AOAH: variants seen among roughly 807,000 people sequenced by gnomAD.
AOAH encodes acyloxyacyl hydrolase (neutrophil).
AOAH carries 64 observed loss-of-function variants against 92.2 expected under a neutral mutation model. That is an observed-to-expected ratio of 0.69 (90% CI 0.57 to 0.86). The LOEUF is 0.86. AOAH is among the 40% of genes least tolerant of loss of function. AOAH has a pLI of 0.00. For synonymous variants in AOAH, 263 were observed against 254.5 expected (o/e 1.03, Z -0.32); for missense variants, 656 against 694.6 (o/e 0.94, Z 0.62).
chr7:36,705,867 C>T lies in AOAH; in HGVS notation c.127+18155G>A, dbSNP rs757862524. 3.9e-5 allele frequency among the ~76,000 whole-genome samples: 6 copies of T among 152,242 alleles called. No individual in the cohort carries two copies. The East Asian group carries it at 5.8e-4, about 15-fold the overall frequency. ...AGAAATAACACCACACATCTACAAC[C>T]ATCTGATCTTCAACAAGCCTGACAA... On this transcript the variant is annotated intron_variant, in intron 1 of 20. Transcript: ENST00000617537.
At chr7:36,515,711 A>C (rs1220897390) in intron 20 of AOAH, among the ~76,000 whole-genome samples, 19 of 78,442 alleles carry the variant, frequency 2.4e-4, no homozygotes, top group African/African-American at 5.6e-4. Flanking sequence ...ACACCCCCCC[A>C]CACACCACAC....
intron 9 of AOAH, among the ~76,000 whole-genome samples, chr7:36,618,596 T>C (rs1223653189): frequency 6.6e-6 from 1 of 152,206 alleles, no homozygotes; most frequent in Non-Finnish European, 1.5e-5. Flanking sequence ...GGTAGGGTTC[T>C]GGGAGAGGTG....
At chr7:36,600,329 T>TA (rs1790458801) in intron 11 of AOAH, among the ~76,000 whole-genome samples, 1 of 152,078 alleles carries the variant, frequency 6.6e-6, no homozygotes, top group South Asian at 2.1e-4. Flanking sequence ...AGCAGCAAAT[T>TA]AAATGACCAA....
chr7:36,567,183 C>T (rs1445676172), intron 13 of AOAH, among the ~76,000 whole-genome samples: 1 of 152,150 alleles, frequency 6.6e-6, no homozygotes, highest in Non-Finnish European at 1.5e-5. Flanking sequence ...CTGCCCAATG[C>T]CCCCAATCGA....
chr7:36,583,410 T>C (rs1220023792), intron 12 of AOAH, among the ~76,000 whole-genome samples: 1 of 152,160 alleles, frequency 6.6e-6, no homozygotes, highest in African/African-American at 2.4e-5. Flanking sequence ...GGAGATAGAT[T>C]AAAGACCTTT....
chr7:36,719,534 T>G (rs1799483864), intron 1 of AOAH, among the ~76,000 whole-genome samples: 1 of 152,166 alleles, frequency 6.6e-6, no homozygotes, highest in Admixed American at 6.5e-5. Context: ...GATATAAATA[T>G]TTTAGGTTAT....
At position 36,516,987 on chromosome 7, in the gene AOAH, C is replaced by T. The variant is rs17170619; in HGVS notation, c.1600-3607G>A. On this transcript the variant is annotated intron_variant, in intron 20 of 20. Transcript: ENST00000617537. This position sits in a 1 kb window ranked among gnomAD's most constrained non-coding sequence, Gnocchi z 5.0. ...GAAATGAGACTGGCATGCTTATCACCAAACTAGAGACTTGTGATAAAATGA... is the reference window on the plus strand; with the variant it reads ...GAAATGAGACTGGCATGCTTATCACTAAACTAGAGACTTGTGATAAAATGA... Among the ~76,000 whole-genome samples the T allele has an allele frequency of 0.4, 60,599 of 151,956 alleles. 12,446 individuals carry two copies. Among genetic ancestry groups the T allele is most frequent in the South Asian group, 0.5 (2,394 of 4,810 alleles).
chr7:36,602,478 C>A, intron 11 of AOAH, among the ~76,000 whole-genome samples: 1 of 146,406 alleles, frequency 6.8e-6, no homozygotes. Flanking sequence ...GGTGATTGAA[C>A]TTTTTTTTAG....
intron 1 of AOAH, 142 bp from the exon 2 acceptor site, chr7:36,686,936 T>C (rs955859387): frequency 6.5e-6 from 3 of 460,326 alleles, no homozygotes; most frequent in Non-Finnish European, 1.1e-5. Context: ...GAGAAAGTGA[T>C]GATGTTTAAA....
chr7:36,522,259 T>C (rs547425313), intron 19 of AOAH, 144 bp from the exon 20 acceptor site: 1 of 644,626 alleles, frequency 1.6e-6, no homozygotes. Context: ...TCTCTTGCAC[T>C]GGGGGATTTC....
intron 1 of AOAH, among the ~76,000 whole-genome samples, chr7:36,716,622 A>ACATT (rs1584188110): frequency 1.5e-5 from 1 of 65,506 alleles, no homozygotes; most frequent in Admixed American, 1.5e-4. Flanking sequence ...GCACATACAC[A>ACATT]CCATGGAATA....
intron 4 of AOAH, among the ~76,000 whole-genome samples, chr7:36,643,374 G>C (rs1794025893): frequency 6.6e-6 from 1 of 152,134 alleles, no homozygotes; most frequent in Non-Finnish European, 1.5e-5. Flanking sequence ...TGATTGATGA[G>C]GTTTCACCAG....
intron 13 of AOAH, among the ~76,000 whole-genome samples, chr7:36,561,201 C>A (rs1359067697): frequency 6.6e-6 from 1 of 152,034 alleles, no homozygotes; most frequent in East Asian, 1.9e-4. Flanking sequence ...ACCAGCATGC[C>A]CAGCTAATTT....
intron 10 of AOAH, among the ~76,000 whole-genome samples, chr7:36,617,420 G>A (rs1259832028): frequency 2.6e-5 from 4 of 152,330 alleles, no homozygotes; most frequent in East Asian, 1.9e-4. Context: ...AATATGTAAT[G>A]AGCCTTTACA....
intron 12 of AOAH, 150 bp downstream of exon 12, chr7:36,594,189 C>T (rs1789935316): frequency 1.2e-5 from 8 of 659,628 alleles, no homozygotes; most frequent in Non-Finnish European, 2.2e-5. Context: ...ATTTGCATTA[C>T]ATCCTACTGT....
chr7:36,576,192 A>G (rs1390983966), intron 13 of AOAH, among the ~76,000 whole-genome samples: 1 of 152,230 alleles, frequency 6.6e-6, no homozygotes, highest in African/African-American at 2.4e-5. Flanking sequence ...GAAACGTGGG[A>G]GACTTTGCAC....
intron 15 of AOAH, among the ~76,000 whole-genome samples, chr7:36,546,365 G>A (rs904778477): frequency 2.0e-5 from 3 of 152,192 alleles, no homozygotes; most frequent in Non-Finnish European, 4.4e-5. Flanking sequence ...CCACCTTGAC[G>A]TTCTGGCAGA....
chr7:36,640,028 C>T lies in AOAH; in HGVS notation c.391-2118G>A, dbSNP rs79802098. 5.2e-3 allele frequency among the ~76,000 whole-genome samples: 788 copies of T among 152,152 alleles called. 8 individuals carry two copies. Among genetic ancestry groups the T allele is most frequent in the African/African-American group, 0.016 (644 of 41,506 alleles). ...TGCTGCAGCAGAGGCTGTGCTGAGG[C>T]GGGATGGGTGGCTTGTGTGTCCTCC... On this transcript the variant is annotated intron_variant, in intron 4 of 20. Coordinates refer to ENST00000617537, the MANE Select transcript of AOAH (RefSeq NM_001637.4).
At chr7:36,699,731 C>T (rs1797923021) in intron 1 of AOAH, among the ~76,000 whole-genome samples, 1 of 149,630 alleles carries the variant, frequency 6.7e-6, no homozygotes, top group Non-Finnish European at 1.5e-5. Context: ...AATATTTTCT[C>T]CCATTCTGTG....
Sources: gnomAD v4.1 joint callset for allele counts (sites outside exome capture counted in the v4.1 genomes callset) on GRCh38, gnomAD v4.1.1 for gene constraint, Gnocchi (gnomAD v3.1) non-coding constraint, MANE v1.5 for transcripts, NCBI Gene and HGNC (gene_info 2026-07-23, HGNC 2026-07-21) for gene names.